Variants in KCNB2 observed in about 807,000 individuals in gnomAD.
The protein encoded by KCNB2 is potassium voltage-gated channel subfamily B member 2.
KCNB2 carries 15 observed loss-of-function variants against 61.5 expected under a neutral mutation model. The observed-to-expected ratio is 0.24, with a 90% CI of 0.16 to 0.38. KCNB2 has a LOEUF of 0.38. KCNB2 is among the 10% of genes least tolerant of loss of function. The probability of loss-of-function intolerance (pLI) is 1.00; values close to 1 mark genes in which losing one functional copy is unlikely to be tolerated. For synonymous variants in KCNB2, 457 were observed against 446.0 expected, an observed-to-expected ratio of 1.02 and a Z score of -0.31; for missense variants, 828 against 1,125.2, an observed-to-expected ratio of 0.74 and a Z score of 3.78.
intron 1 of KCNB2, among the ~76,000 whole-genome samples, chr8:72,561,719 A>AT: frequency 4.1e-5 from 1 of 24,102 alleles, no homozygotes; most frequent in South Asian, 9.3e-4. Flanking sequence ...ATATATATAT[A>AT]TATATATATC....
chr8:72,887,524 A>G (rs1805826380), intron 2 of KCNB2, among the ~76,000 whole-genome samples: 1 of 152,190 alleles, frequency 6.6e-6, no homozygotes, highest in South Asian at 2.1e-4. Flanking sequence ...AGGAACAGGA[A>G]GACAGGAAGA....
At chr8:72,661,316 C>CA (rs1434469843) in intron 2 of KCNB2, 1 of 152,158 alleles carries the variant, frequency 6.6e-6, no homozygotes, top group East Asian at 1.9e-4. Flanking sequence ...CGCCTTACCT[C>CA]AAATACATTT....
At chr8:72,538,929 G>A (rs1033431982) in intron 1 of KCNB2, among the ~76,000 whole-genome samples, 1 of 152,160 alleles carries the variant, frequency 6.6e-6, no homozygotes, top group Non-Finnish European at 1.5e-5. Context: ...TAGGACAAGC[G>A]AGAGATAGAT....
chr8:72,938,204 AAG>A lies in KCNB2; in HGVS notation c.*114_*115del. 1 of 785,888 alleles carries A rather than the reference AAG, an allele frequency of 1.3e-6. No homozygotes were observed. Among genetic ancestry groups the A allele is most frequent in the South Asian group, 1.8e-5 (1 of 55,482 alleles). 48.7% of individuals were successfully genotyped at this position (785,888 alleles called of 1,614,324 possible). A position where few individuals can be genotyped will look rare whatever the true frequency, so the allele number is the denominator to read the frequency against. ...AAAAATGGGAAGCCCTCCCCAAAAA[AAG>A]TGCATAAAATGTTATTTTTGCATGG... On this transcript the variant is annotated 3_prime_UTR_variant, in exon 3 of 3. Coordinates refer to ENST00000523207, the MANE Select transcript of KCNB2 (RefSeq NM_004770.3).
At chr8:72,617,736 C>A (rs892196197) in intron 2 of KCNB2, among the ~76,000 whole-genome samples, 1 of 152,158 alleles carries the variant, frequency 6.6e-6, no homozygotes, top group Non-Finnish European at 1.5e-5. Context: ...AGGTTGCATG[C>A]CTTCCCCTTA....
In KCNB2 at chr8:72,936,231, G is replaced by A. The variant is rs761528984; in HGVS notation, c.876G>A (p.Gln292=). Residue 292 remains glutamine, a synonymous_variant, in exon 3 of 3, where the codon CAG becomes CAA. Transcript: ENST00000523207. This position sits in a 1 kb window ranked among gnomAD's most constrained non-coding sequence, Gnocchi z 5.6. The part of the protein sequence containing the change: ...FLTESNKSVL[Q]FQNVRRVVQI... ...CGGAGTCCAACAAGAGCGTGCTGCAGTTCCAAAACGTGAGGCGCGTGGTCC... is the reference window on the plus strand; with the variant it reads ...CGGAGTCCAACAAGAGCGTGCTGCAATTCCAAAACGTGAGGCGCGTGGTCC... 16 of 1,614,124 alleles carry A rather than the reference G, an allele frequency of 9.9e-6. No homozygotes were observed. In the South Asian group the frequency reaches 1.8e-4, roughly 18 times the overall value.
chr8:72,742,304 C>T (rs1807973325), intron 2 of KCNB2, among the ~76,000 whole-genome samples: 1 of 152,202 alleles, frequency 6.6e-6, no homozygotes, highest in Non-Finnish European at 1.5e-5. Flanking sequence ...TAATTCAGCA[C>T]AGGTCTGTAA....
intron 1 of KCNB2, among the ~76,000 whole-genome samples, chr8:72,546,929 GAGA>G (rs1320190291): frequency 6.6e-6 from 1 of 152,202 alleles, no homozygotes; most frequent in African/African-American, 2.4e-5. Context: ...CATAGCTAGA[GAGA>G]AGAAGTCAAT....
At chr8:72,551,375 A>G (rs1174578038) in intron 1 of KCNB2, among the ~76,000 whole-genome samples, 3 of 152,170 alleles carry the variant, frequency 2.0e-5, no homozygotes, top group African/African-American at 7.2e-5. Context: ...AAGCATCACT[A>G]GTAGAAAGCT....
At chr8:72,885,390 G>A (rs1345390653) in intron 2 of KCNB2, among the ~76,000 whole-genome samples, 1 of 152,052 alleles carries the variant, frequency 6.6e-6, no homozygotes, top group Non-Finnish European at 1.5e-5. Context: ...CTTATTGCTT[G>A]AAGATTTGTT....
intron 2 of KCNB2, among the ~76,000 whole-genome samples, chr8:72,759,086 C>T (rs917038923): frequency 2.6e-5 from 4 of 151,932 alleles, no homozygotes; most frequent in Non-Finnish European, 5.9e-5. Context: ...GTTGGGGCCA[C>T]GGGGATAGAG....
intron 2 of KCNB2, among the ~76,000 whole-genome samples, chr8:72,572,492 T>C (rs1806725609): frequency 6.6e-6 from 1 of 151,960 alleles, no homozygotes; most frequent in African/African-American, 2.4e-5. Flanking sequence ...ATTTCCTCAT[T>C]AATCTGTAGC....
intron 2 of KCNB2, among the ~76,000 whole-genome samples, chr8:72,778,690 ACACCACTG>A (rs142295264): frequency 7.3e-6 from 1 of 136,718 alleles, no homozygotes; most frequent in Non-Finnish European, 1.5e-5. Context: ...AGCTGTGATC[ACACCACTG>A]CACCACTGCA....
chr8:72,780,064 T>G (rs888223737), intron 2 of KCNB2, among the ~76,000 whole-genome samples: 1 of 152,222 alleles, frequency 6.6e-6, no homozygotes, highest in African/African-American at 2.4e-5. Context: ...AAAGCCTCTA[T>G]GTCTAAAGTG....
intron 1 of KCNB2, among the ~76,000 whole-genome samples, chr8:72,552,343 G>T (rs1806358528): frequency 6.6e-6 from 1 of 152,194 alleles, no homozygotes; most frequent in Non-Finnish European, 1.5e-5. Flanking sequence ...TTGATGTGAT[G>T]ATGGAAATGT....
At chr8:72,563,635 TG>T (rs1165950317) in intron 1 of KCNB2, among the ~76,000 whole-genome samples, 2 of 151,674 alleles carry the variant, frequency 1.3e-5, no homozygotes, top group African/African-American at 4.8e-5. Context: ...TTAACAGACA[TG>T]GGGGAAGGTA....
intron 2 of KCNB2, among the ~76,000 whole-genome samples, chr8:72,919,253 G>A (rs1293101134): frequency 2.0e-5 from 3 of 152,130 alleles, no homozygotes; most frequent in Non-Finnish European, 4.4e-5. Context: ...CACCTGGTTC[G>A]TGGCCGAAGT....
At chr8:72,662,290 A>G (rs1280613094) in intron 2 of KCNB2, among the ~76,000 whole-genome samples, 1 of 152,062 alleles carries the variant, frequency 6.6e-6, no homozygotes, top group African/African-American at 2.4e-5. Flanking sequence ...TCAGGAACTC[A>G]GTGGCCACAA....
chr8:72,760,069 G>A (rs1034718712), intron 2 of KCNB2, among the ~76,000 whole-genome samples: 1 of 152,152 alleles, frequency 6.6e-6, no homozygotes, highest in Non-Finnish European at 1.5e-5. Flanking sequence ...GCCTTACTTT[G>A]TCCTTCTTTG....
Sources: allele counts gnomAD v4.1 joint callset (sites outside exome capture counted in the v4.1 genomes callset), GRCh38; gene constraint gnomAD v4.1.1; non-coding constraint Gnocchi (gnomAD v3.1); transcripts MANE v1.5; gene names NCBI Gene and HGNC (gene_info 2026-07-23, HGNC 2026-07-21).